Variants in STPG2 observed in about 807,000 individuals in gnomAD.
STPG2 encodes the protein sperm-tail PG-rich repeat-containing protein 2.
STPG2 carries 56 observed loss-of-function variants against 54.2 expected under a neutral mutation model. That is an observed-to-expected ratio of 1.03 (90% CI 0.83 to 1.29). The LOEUF is 1.29. Among genes scored for constraint, STPG2 ranks in the 50% most tolerant of loss-of-function variants. STPG2 has a pLI of 0.00. For missense variants in STPG2, 596 were observed against 544.9 expected (o/e 1.09, Z -0.93); for synonymous variants, 200 against 181.8 (o/e 1.10, Z -0.81).
At chr4:97,767,741 C>T (rs750490698) in intron 9 of STPG2, among the ~76,000 whole-genome samples, 1 of 151,818 alleles carries the variant, frequency 6.6e-6, no homozygotes, top group African/African-American at 2.4e-5. Context: ...TATGATAAGC[C>T]CACACAAAAA....
intron 7 of STPG2, among the ~76,000 whole-genome samples, chr4:97,949,384 T>C (rs1437489434): frequency 6.6e-6 from 1 of 152,140 alleles, no homozygotes; most frequent in Non-Finnish European, 1.5e-5. Context: ...TGCCAATCTG[T>C]ATATTTTAAG....
chr4:97,720,649 A>G (rs113994771), intron 9 of STPG2, among the ~76,000 whole-genome samples: 1,990 of 152,046 alleles, frequency 0.013, 41 homozygotes, highest in African/African-American at 0.046. Flanking sequence ...TTTTTTTTGA[A>G]TTAATTACTA....
chr4:97,777,096 C>A (rs924632173), intron 9 of STPG2, among the ~76,000 whole-genome samples: 12 of 152,124 alleles, frequency 7.9e-5, no homozygotes, highest in African/African-American at 2.4e-4. Context: ...CACTATTATA[C>A]AGGAGCTCAG....
intron 10 of STPG2, among the ~76,000 whole-genome samples, chr4:97,619,482 T>A (rs1194707539): frequency 6.6e-6 from 1 of 151,976 alleles, no homozygotes; most frequent in Non-Finnish European, 1.5e-5. Flanking sequence ...ATGTTTTGAT[T>A]TGAGGGCTGA....
intron 10 of STPG2, among the ~76,000 whole-genome samples, chr4:97,572,910 T>C (rs754151963): frequency 4.6e-5 from 7 of 152,156 alleles, no homozygotes; most frequent in Non-Finnish European, 7.4e-5. Flanking sequence ...CAAATTCATA[T>C]GTAAATGAAT....
At chr4:98,046,246 T>A (rs1737125301) in intron 5 of STPG2, among the ~76,000 whole-genome samples, 1 of 152,178 alleles carries the variant, frequency 6.6e-6, no homozygotes, top group African/African-American at 2.4e-5. Context: ...ACATTGTTCA[T>A]ACAATGCTCT....
At chr4:97,695,878 C>A (rs1308819904) in intron 10 of STPG2, among the ~76,000 whole-genome samples, 1 of 152,114 alleles carries the variant, frequency 6.6e-6, no homozygotes, top group Non-Finnish European at 1.5e-5. Context: ...GAAACACATT[C>A]CATGCCCATA....
intron 3 of STPG2, among the ~76,000 whole-genome samples, chr4:98,112,599 C>G (rs1469967288): frequency 1.3e-5 from 2 of 152,044 alleles, no homozygotes; most frequent in East Asian, 1.9e-4. Context: ...AAAATGAGAC[C>G]TTTGTTGATT....
At chr4:97,616,092 A>ATATATATATATATATATATGTG (rs764342142) in intron 10 of STPG2, among the ~76,000 whole-genome samples, 1 of 63,268 alleles carries the variant, frequency 1.6e-5, no homozygotes, top group Non-Finnish European at 3.5e-5. Flanking sequence ...ATATATATAT[A>ATATATATATATATATATATGTG]TATGTATGTA....
At chr4:98,024,591 A>G (rs1013812661) in intron 5 of STPG2, among the ~76,000 whole-genome samples, 1 of 152,210 alleles carries the variant, frequency 6.6e-6, no homozygotes, top group African/African-American at 2.4e-5. Context: ...GTTAATTTAT[A>G]CTCTGAATTA....
intron 5 of STPG2, among the ~76,000 whole-genome samples, chr4:98,094,319 T>C (rs916367305): frequency 6.6e-6 from 1 of 152,204 alleles, no homozygotes; most frequent in Non-Finnish European, 1.5e-5. Flanking sequence ...CATTACCTGC[T>C]GACTAAAGAG....
intron 9 of STPG2, among the ~76,000 whole-genome samples, chr4:97,832,400 G>A (rs1728496219): frequency 6.6e-6 from 1 of 152,142 alleles, no homozygotes; most frequent in Non-Finnish European, 1.5e-5. Flanking sequence ...CCAACCCACA[G>A]CCAGTATCAT....
At chr4:97,736,525 C>G (rs527927780) in intron 9 of STPG2, among the ~76,000 whole-genome samples, 1 of 152,160 alleles carries the variant, frequency 6.6e-6, no homozygotes, top group East Asian at 1.9e-4. Flanking sequence ...GCTTTTCCAA[C>G]GGGCTTAAAA....
At chr4:97,452,523 C>T (rs1275638520) in intron 4 of STPG2, among the ~76,000 whole-genome samples, 2 of 152,158 alleles carry the variant, frequency 1.3e-5, no homozygotes, top group Non-Finnish European at 2.9e-5. Flanking sequence ...TACTTCCTCC[C>T]CTCTGAGGCC....
At chr4:97,774,217 C>G (rs1224725020) in intron 9 of STPG2, among the ~76,000 whole-genome samples, 4 of 152,026 alleles carry the variant, frequency 2.6e-5, no homozygotes, top group Admixed American at 2.6e-4. Context: ...CTTGGAGTAA[C>G]TTCAGTTCTC....
intron 4 of STPG2, among the ~76,000 whole-genome samples, chr4:97,535,960 T>C (rs888207563): frequency 1.3e-5 from 2 of 152,148 alleles, no homozygotes; most frequent in East Asian, 3.9e-4. Context: ...TAGTTTATTT[T>C]GAATTTTGAA....
intron 10 of STPG2, among the ~76,000 whole-genome samples, chr4:97,582,832 G>C (rs1732895150): frequency 6.6e-6 from 1 of 151,964 alleles, no homozygotes; most frequent in Admixed American, 6.6e-5. Flanking sequence ...ACACTGCAGA[G>C]TGGAGATAAA....
intron 4 of STPG2, among the ~76,000 whole-genome samples, chr4:97,538,298 G>C (rs1578371520): frequency 6.6e-6 from 1 of 152,070 alleles, no homozygotes; most frequent in African/African-American, 2.4e-5. Flanking sequence ...CTTGAAAAAA[G>C]ATTAGATGAA....
chr4:97,751,171 A>C (rs1005149250), intron 9 of STPG2, among the ~76,000 whole-genome samples: 5 of 151,866 alleles, frequency 3.3e-5, no homozygotes, highest in Admixed American at 3.3e-4. Context: ...GATTACTGGG[A>C]AATTAGTACA....
Sources: allele counts gnomAD v4.1 joint callset (sites outside exome capture counted in the v4.1 genomes callset), GRCh38; gene constraint gnomAD v4.1.1; transcripts MANE v1.5; gene names NCBI Gene and HGNC (gene_info 2026-07-23, HGNC 2026-07-21).